Variants in ERC2 observed in about 807,000 individuals in gnomAD.
ERC2 encodes the protein ELKS/RAB6-interacting/CAST family member 2, also known as ERC protein 2.
In ERC2, 42 loss-of-function variants were observed where a neutral mutation model predicts 114.8. The observed-to-expected ratio is 0.37, with a 90% CI of 0.29 to 0.47. The LOEUF (loss-of-function observed/expected upper bound fraction) is 0.47, where lower values mean the gene tolerates loss of function less well. Ranked by LOEUF, ERC2 falls within the 20% of genes least tolerant of loss-of-function variation. ERC2 has a pLI of 0.99. For missense variants in ERC2, 939 were observed against 1,150.7 expected (o/e 0.82, Z 2.66); for synonymous variants, 454 against 425.5 (o/e 1.07, Z -0.82).
intron 7 of ERC2, among the ~76,000 whole-genome samples, chr3:56,073,414 C>T (rs2076831260): frequency 6.6e-6 from 1 of 152,114 alleles, no homozygotes; most frequent in South Asian, 2.1e-4. Flanking sequence ...GAGCATCCTC[C>T]CAGCTATAGC....
At chr3:56,028,775 T>C (rs1188780372) in intron 7 of ERC2, among the ~76,000 whole-genome samples, 1 of 152,050 alleles carries the variant, frequency 6.6e-6, no homozygotes. Flanking sequence ...AACAATGTCA[T>C]CTTCAAAAAA....
chr3:56,395,122 CAG>C (rs957588417), intron 2 of ERC2, among the ~76,000 whole-genome samples: 22 of 151,220 alleles, frequency 1.5e-4, no homozygotes, highest in Admixed American at 1.3e-3. Flanking sequence ...TTGCCTAGGC[CAG>C]GGGGATCTGG....
chr3:56,017,960 T>C (rs552062613), intron 8 of ERC2, among the ~76,000 whole-genome samples: 1 of 152,080 alleles, frequency 6.6e-6, no homozygotes, highest in South Asian at 2.1e-4. Flanking sequence ...AACACACACA[T>C]AGCATATGTT....
At chr3:56,106,316 AATAG>A (rs1651555277) in intron 6 of ERC2, among the ~76,000 whole-genome samples, 1 of 152,212 alleles carries the variant, frequency 6.6e-6, no homozygotes, top group Admixed American at 6.5e-5. Flanking sequence ...GAAAAAGGAA[AATAG>A]ATAGAAGTTC....
chr3:55,602,368 T>C (rs951318282), intron 17 of ERC2, among the ~76,000 whole-genome samples: 21 of 152,292 alleles, frequency 1.4e-4, no homozygotes, highest in African/African-American at 4.8e-4. Flanking sequence ...GAATGTCCAC[T>C]GCAGGCAGCT....
chr3:55,639,030 GA>G (rs2060069954), intron 17 of ERC2, among the ~76,000 whole-genome samples: 1 of 152,190 alleles, frequency 6.6e-6, no homozygotes, highest in Non-Finnish European at 1.5e-5. Context: ...ACACCCTATA[GA>G]AATGGCTTCA....
intron 13 of ERC2, among the ~76,000 whole-genome samples, chr3:55,919,509 GAT>G (rs1387195173): frequency 2.0e-5 from 3 of 152,154 alleles, no homozygotes; most frequent in Admixed American, 1.3e-4. Context: ...ATTGCCCAGT[GAT>G]ACACATTTAT....
intron 13 of ERC2, among the ~76,000 whole-genome samples, chr3:55,926,387 A>G (rs1358203312): frequency 6.9e-6 from 1 of 145,140 alleles, no homozygotes; most frequent in Non-Finnish European, 1.5e-5. Flanking sequence ...TGCTGCCCTA[A>G]CAGAGCTTGT....
At chr3:55,811,932 T>C (rs1316606465) in intron 14 of ERC2, among the ~76,000 whole-genome samples, 1 of 152,198 alleles carries the variant, frequency 6.6e-6, no homozygotes, top group Non-Finnish European at 1.5e-5. Flanking sequence ...ACATAGGCCA[T>C]GGTGGTTTGC....
intron 6 of ERC2, among the ~76,000 whole-genome samples, chr3:56,118,618 C>T (rs2079384934): frequency 6.6e-6 from 1 of 151,188 alleles, no homozygotes; most frequent in African/African-American, 2.4e-5. Context: ...TAAGGAAGTT[C>T]ACACTAATAT....
chr3:56,102,815 C>T (rs1461739362), intron 6 of ERC2, among the ~76,000 whole-genome samples: 1 of 152,162 alleles, frequency 6.6e-6, no homozygotes, highest in African/African-American at 2.4e-5. Flanking sequence ...TATTTTTGAA[C>T]TTTAATAGAA....
At chr3:55,970,344 T>A (rs1011262055) in intron 12 of ERC2, among the ~76,000 whole-genome samples, 1 of 151,936 alleles carries the variant, frequency 6.6e-6, no homozygotes, top group Non-Finnish European at 1.5e-5. Context: ...TAAAAGGACA[T>A]ATCAAATACT....
intron 14 of ERC2, among the ~76,000 whole-genome samples, chr3:55,887,121 G>A (rs1413378838): frequency 1.3e-5 from 2 of 152,168 alleles, no homozygotes; most frequent in African/African-American, 4.8e-5. Context: ...GTAGAAAACT[G>A]GTTTTGTCAT....
intron 14 of ERC2, among the ~76,000 whole-genome samples, chr3:55,823,656 G>T (rs548242722): frequency 6.6e-6 from 1 of 152,172 alleles, no homozygotes; most frequent in African/African-American, 2.4e-5. Flanking sequence ...ATGCAAAAGA[G>T]GGGACACAGG....
chr3:56,121,885 A>C (rs895469746), intron 6 of ERC2, among the ~76,000 whole-genome samples: 5 of 152,182 alleles, frequency 3.3e-5, no homozygotes, highest in African/African-American at 1.2e-4. Context: ...AACAGAAAAC[A>C]AAGCAAATTG....
chr3:55,911,060 G>A (rs570536654), intron 13 of ERC2, among the ~76,000 whole-genome samples: 7 of 151,918 alleles, frequency 4.6e-5, no homozygotes, highest in African/African-American at 1.7e-4. Flanking sequence ...CCCTCTCTTT[G>A]TCCCAAGGAA....
chr3:55,899,878 A>G (rs916482934), intron 13 of ERC2, among the ~76,000 whole-genome samples: 3 of 152,220 alleles, frequency 2.0e-5, no homozygotes, highest in African/African-American at 7.2e-5. Context: ...GAGTAATTAA[A>G]CCAATTTCAA....
At chr3:55,598,735 T>G (rs904766441) in intron 17 of ERC2, among the ~76,000 whole-genome samples, 4 of 152,258 alleles carry the variant, frequency 2.6e-5, no homozygotes, top group African/African-American at 7.2e-5. Flanking sequence ...ATGCCAGATG[T>G]ATTTGTTGGA....
At chr3:56,078,293 G>A (rs2077071094) in intron 7 of ERC2, among the ~76,000 whole-genome samples, 1 of 152,126 alleles carries the variant, frequency 6.6e-6, no homozygotes, top group Admixed American at 6.5e-5. Flanking sequence ...AGTTTCTAAC[G>A]AATGCAGTGT....
Sources: gnomAD v4.1 joint callset for allele counts (sites outside exome capture counted in the v4.1 genomes callset) on GRCh38, gnomAD v4.1.1 for gene constraint, MANE v1.5 for transcripts, NCBI Gene and HGNC (gene_info 2026-07-23, HGNC 2026-07-21) for gene names.